GPHN: variants seen among roughly 807,000 people sequenced by gnomAD.
GPHN encodes gephyrin.
GPHN carries 17 observed loss-of-function variants against 95.5 expected under a neutral mutation model. The ratio of observed to expected loss-of-function variants is 0.18; its 90% CI spans 0.12 to 0.27. The LOEUF (loss-of-function observed/expected upper bound fraction) is 0.27, where lower values mean the gene tolerates loss of function less well. Among genes scored for constraint, GPHN ranks in the 10% least tolerant of loss-of-function variants. The pLI is 1.00. For missense variants in GPHN, 660 were observed against 978.1 expected (o/e 0.67, Z 4.34); for synonymous variants, 320 against 322.5 (o/e 0.99, Z 0.08).
intron 1 of GPHN, among the ~76,000 whole-genome samples, chr14:66,637,239 T>C (rs1357199659): frequency 1.3e-5 from 2 of 152,198 alleles, no homozygotes; most frequent in African/African-American, 4.8e-5. Context: ...CTTAAATCTC[T>C]AATGATATGC....
intron 2 of GPHN, among the ~76,000 whole-genome samples, chr14:66,689,774 G>T (rs1489483819): frequency 6.6e-6 from 1 of 151,998 alleles, no homozygotes; most frequent in Admixed American, 6.6e-5. Flanking sequence ...TAGGTTGTTT[G>T]TGTCCAGGAC....
chr14:67,729,300 G>A, the GPHN span: 1 of 1,602,526 alleles, frequency 6.2e-7, no homozygotes, highest in South Asian at 1.1e-5. Flanking sequence ...CCTTTGTCAA[G>A]ACGGCACGGG....
the GPHN span, among the ~76,000 whole-genome samples, chr14:67,595,752 G>C: frequency 1.2e-5 from 1 of 82,406 alleles, no homozygotes; most frequent in Non-Finnish European, 3.1e-5. Context: ...AGGACAACTA[G>C]AGGACGCTAA....
chr14:67,458,281 T>G, the GPHN span, among the ~76,000 whole-genome samples: 1 of 152,234 alleles, frequency 6.6e-6, no homozygotes, highest in Non-Finnish European at 1.5e-5. Flanking sequence ...GTGAGGAGCC[T>G]CCTCCTCAGA....
chr14:67,442,255 A>G, the GPHN span, among the ~76,000 whole-genome samples: 1 of 152,080 alleles, frequency 6.6e-6, no homozygotes, highest in Admixed American at 6.5e-5. Context: ...GAGGGTTAGG[A>G]GGTCAACCCA....
intron 8 of GPHN, among the ~76,000 whole-genome samples, chr14:66,951,426 G>A (rs2068101438): frequency 6.7e-6 from 1 of 150,356 alleles, no homozygotes; most frequent in Non-Finnish European, 1.5e-5. Context: ...TGAAGCAGGG[G>A]AATCACTTGA....
At chr14:67,576,333 G>T in the GPHN span, 2 of 937,320 alleles carry the variant, frequency 2.1e-6, no homozygotes, top group Non-Finnish European at 3.4e-6. This position sits in a 1 kb window ranked among gnomAD's most constrained non-coding sequence, Gnocchi z 4.0. Context: ...AGTCCTCCTT[G>T]GAGCTCTTGC....
the GPHN span, among the ~76,000 whole-genome samples, chr14:67,517,243 TCTC>T: frequency 0.012 from 1,820 of 152,248 alleles, 41 homozygotes; most frequent in African/African-American, 0.042. Context: ...GTACGCCTAA[TCTC>T]CTTCTCTAGC....
intron 2 of GPHN, among the ~76,000 whole-genome samples, chr14:66,698,404 A>G (rs2068262524): frequency 6.6e-6 from 1 of 152,182 alleles, no homozygotes; most frequent in Non-Finnish European, 1.5e-5. Flanking sequence ...TTTGGAGAAA[A>G]TTGAACTATA....
chr14:66,587,546 T>A (rs1566652409), intron 1 of GPHN, among the ~76,000 whole-genome samples: 2 of 152,200 alleles, frequency 1.3e-5, no homozygotes, highest in South Asian at 4.1e-4. Flanking sequence ...TTGGATTTAT[T>A]TCTGGGATGC....
chr14:66,729,736 T>C (rs1159257979), intron 2 of GPHN, among the ~76,000 whole-genome samples: 1 of 152,220 alleles, frequency 6.6e-6, no homozygotes, highest in African/African-American at 2.4e-5. Flanking sequence ...TAATTTAAAA[T>C]AGATTAATTT....
chr14:67,279,826 T>G, the GPHN span: 1 of 332,032 alleles, frequency 3.0e-6, no homozygotes, highest in Non-Finnish European at 5.4e-6. Flanking sequence ...ACCTTTTATA[T>G]CAAACCACAA....
At chr14:66,745,344 T>G (rs972878922) in intron 2 of GPHN, among the ~76,000 whole-genome samples, 2 of 152,082 alleles carry the variant, frequency 1.3e-5, no homozygotes, top group Non-Finnish European at 2.9e-5. Context: ...AGTGACACTT[T>G]ACCCCTGAAT....
At chr14:66,788,666 TG>T (rs933507650) in intron 3 of GPHN, among the ~76,000 whole-genome samples, 20 of 152,338 alleles carry the variant, frequency 1.3e-4, no homozygotes, top group African/African-American at 3.8e-4. Flanking sequence ...TTTTTGTTTA[TG>T]TTTTTTTGAG....
intron 4 of GPHN, among the ~76,000 whole-genome samples, chr14:66,837,006 C>G (rs995305433): frequency 6.8e-6 from 1 of 147,452 alleles, no homozygotes; most frequent in South Asian, 2.2e-4. Flanking sequence ...GGACTGTAAA[C>G]TAGTTCAACC....
rs181296436 is a variant in GPHN at position 66,772,688 on chromosome 14, T to G, written c.144-3776T>G. Among the ~76,000 whole-genome samples the G allele has an allele frequency of 7.9e-5, 12 of 152,368 alleles. No individual in the cohort carries two copies. In the East Asian group the frequency reaches 1.9e-3, roughly 24 times the overall value. ...CCCCATCCTAATGACCAATTTCATA[T>G]TCTTCTTTAAAATAATGAAATTTAT... On this transcript the variant is annotated intron_variant, in intron 2 of 22. Coordinates refer to ENST00000478722, the MANE Select transcript of GPHN (RefSeq NM_020806.5).
intron 2 of GPHN, among the ~76,000 whole-genome samples, chr14:66,739,699 A>G (rs984338858): frequency 1.3e-5 from 2 of 152,140 alleles, no homozygotes; most frequent in Admixed American, 1.3e-4. Flanking sequence ...TACATTATTT[A>G]CCACTGAACA....
At chr14:66,777,001 A>G (rs1249543625) in intron 3 of GPHN, among the ~76,000 whole-genome samples, 1 of 152,076 alleles carries the variant, frequency 6.6e-6, no homozygotes, top group East Asian at 1.9e-4. Context: ...CTCGTCATCT[A>G]GCTTAGGTAT....
At chr14:67,327,125 G>C in the GPHN span, among the ~76,000 whole-genome samples, 1 of 151,950 alleles carries the variant, frequency 6.6e-6, no homozygotes. Flanking sequence ...CAGTGAACCG[G>C]GATTGCGCCA....
Sources: gnomAD v4.1 joint callset for allele counts (sites outside exome capture counted in the v4.1 genomes callset) on GRCh38, gnomAD v4.1.1 for gene constraint, Gnocchi (gnomAD v3.1) non-coding constraint, MANE v1.5 for transcripts, NCBI Gene and HGNC (gene_info 2026-07-23, HGNC 2026-07-21) for gene names.